AKT3: variants seen among roughly 807,000 people sequenced by gnomAD.
AKT3 encodes RAC-gamma serine/threonine-protein kinase.
In AKT3, 15 loss-of-function variants were observed where a neutral mutation model predicts 65.3. The ratio of observed to expected loss-of-function variants is 0.23; its 90% CI spans 0.15 to 0.35. AKT3 has a LOEUF of 0.35. Ranked by LOEUF, AKT3 falls within the 10% of genes least tolerant of loss-of-function variation. The pLI is 1.00. For missense variants in AKT3, 243 were observed against 576.5 expected (o/e 0.42, Z 5.92); for synonymous variants, 206 against 183.8 (o/e 1.12, Z -0.98).
chr1:243,609,423 C>T (rs1310682163), intron 8 of AKT3, among the ~76,000 whole-genome samples: 5 of 151,120 alleles, frequency 3.3e-5, no homozygotes, highest in Non-Finnish European at 1.5e-5. Context: ...ACAGGGAGGC[C>T]GAGGTGGGCA....
chr1:243,572,752 T>C (rs564382398), intron 9 of AKT3, among the ~76,000 whole-genome samples, 174 bp downstream of exon 9: 2 of 152,308 alleles, frequency 1.3e-5, no homozygotes, highest in African/African-American at 2.4e-5. Flanking sequence ...ATCAACTACA[T>C]ACATGTTAGT....
At position 243,545,734 on chromosome 1, in the gene AKT3, C is replaced by G. The variant is rs949355211; in HGVS notation, c.1164-137G>C. 1.5e-5 allele frequency: 9 copies of G among 607,102 alleles called. No individual in the cohort carries two copies. In the African/African-American group the frequency reaches 1.7e-4, roughly 11 times the overall value. 37.6% of individuals were successfully genotyped at this position (607,102 alleles called of 1,614,324 possible). On this transcript the variant is annotated intron_variant, in intron 11 of 13. Coordinates refer to ENST00000673466, the MANE Select transcript of AKT3 (RefSeq NM_005465.7). ...GATAAATAGCTCTAAAAGTAAAAAG[C>G]TTTTGCTATAAGATCTATTTTTCCT...
At chr1:243,634,634 T>G (rs773571788) in intron 6 of AKT3, among the ~76,000 whole-genome samples, 3 of 151,870 alleles carry the variant, frequency 2.0e-5, no homozygotes, top group Non-Finnish European at 4.4e-5. Flanking sequence ...ACTGCCATAG[T>G]AACCAAAAGA....
chr1:243,826,299 T>A (rs953196843), intron 2 of AKT3, among the ~76,000 whole-genome samples: 2 of 152,174 alleles, frequency 1.3e-5, no homozygotes, highest in Non-Finnish European at 2.9e-5. Flanking sequence ...GGTATCTGAT[T>A]GAGAACTGAA....
At chr1:243,825,235 C>G (rs1400554330) in intron 2 of AKT3, among the ~76,000 whole-genome samples, 1 of 152,144 alleles carries the variant, frequency 6.6e-6, no homozygotes, top group Non-Finnish European at 1.5e-5. Context: ...TGGAACAACA[C>G]ACACTGTGGC....
intron 10 of AKT3, among the ~76,000 whole-genome samples, chr1:243,553,595 C>A (rs1485552973): frequency 1.3e-5 from 2 of 152,118 alleles, no homozygotes; most frequent in Non-Finnish European, 2.9e-5. Context: ...CAGCTTTATA[C>A]CTCACAACAA....
chr1:243,747,915 T>G (rs1688577466), intron 2 of AKT3, among the ~76,000 whole-genome samples: 1 of 152,170 alleles, frequency 6.6e-6, no homozygotes, highest in Admixed American at 6.5e-5. Flanking sequence ...AAGCAAGCAC[T>G]GAAATATACC....
At chr1:243,820,637 G>A (rs1016366423) in intron 2 of AKT3, among the ~76,000 whole-genome samples, 1 of 152,152 alleles carries the variant, frequency 6.6e-6, no homozygotes, top group Non-Finnish European at 1.5e-5. Context: ...AACACAACAC[G>A]AGAACTTCAC....
intron 2 of AKT3, among the ~76,000 whole-genome samples, chr1:243,810,644 GAA>G (rs1468724199): frequency 6.6e-6 from 1 of 152,096 alleles, no homozygotes; most frequent in African/African-American, 2.4e-5. Context: ...CCAATCAATA[GAA>G]AAAGAGGGAA....
At chr1:243,745,888 A>G (rs1403474875) in intron 2 of AKT3, among the ~76,000 whole-genome samples, 1 of 152,210 alleles carries the variant, frequency 6.6e-6, no homozygotes, top group Non-Finnish European at 1.5e-5. Flanking sequence ...TTCAAGACAC[A>G]TAATTATATA....
intron 4 of AKT3, among the ~76,000 whole-genome samples, chr1:243,652,829 C>G (rs1457446519): frequency 8.2e-6 from 1 of 121,342 alleles, no homozygotes; most frequent in East Asian, 2.7e-4. Context: ...ATAAAACAGA[C>G]TTTAAACCAA....
At chr1:243,569,334 G>A (rs1433812985) in intron 9 of AKT3, among the ~76,000 whole-genome samples, 1 of 152,156 alleles carries the variant, frequency 6.6e-6, no homozygotes, top group Non-Finnish European at 1.5e-5. Context: ...AATTTATTAC[G>A]AATAAGGTAC....
At chr1:243,575,076 C>T (rs1241881640) in intron 8 of AKT3, among the ~76,000 whole-genome samples, 1 of 152,134 alleles carries the variant, frequency 6.6e-6, no homozygotes, top group African/African-American at 2.4e-5. Context: ...ACCCTTACTA[C>T]TTTATGGAAC....
At chr1:243,829,246 T>C (rs1053526890) in intron 2 of AKT3, among the ~76,000 whole-genome samples, 5 of 151,860 alleles carry the variant, frequency 3.3e-5, no homozygotes, top group Non-Finnish European at 7.4e-5. Flanking sequence ...AATCACACGA[T>C]ACCCTATATA....
chr1:243,541,879 T>C (rs1672344344), intron 12 of AKT3, among the ~76,000 whole-genome samples: 1 of 152,236 alleles, frequency 6.6e-6, no homozygotes. Context: ...AAAAACCAAC[T>C]GTATTTCTAT....
intron 8 of AKT3, among the ~76,000 whole-genome samples, chr1:243,580,095 A>C (rs913699456): frequency 6.6e-6 from 1 of 152,210 alleles, no homozygotes; most frequent in Non-Finnish European, 1.5e-5. Flanking sequence ...CCACTTGGAC[A>C]TAGCAAGATA....
rs141667596 is a variant in AKT3 at position 243,747,808 on chromosome 1, A to C, written c.47-52092T>G. 3.5e-3 allele frequency among the ~76,000 whole-genome samples: 534 copies of C among 152,358 alleles called. 2 individuals carry two copies. Among genetic ancestry groups the C allele is most frequent in the African/African-American group, 0.012 (516 of 41,590 alleles). ...GGATAAATGTAAGACAGTTCACTTA[A>C]GACATAGTATAGGTTTCTTGCAAAC... On this transcript the variant is annotated intron_variant, in intron 2 of 13. Transcript: ENST00000673466.
At position 243,563,816 on chromosome 1, in the gene AKT3, G is replaced by A. The variant is rs375835050; in HGVS notation, c.852C>T (p.His284=). 7 of 1,612,652 alleles carry A rather than the reference G, an allele frequency of 4.3e-6. No individual in the cohort carries two copies. The highest frequency in any genetic ancestry group is 5.1e-6 in the Non-Finnish European group (6 of 1,179,450). ...AAAGTCCAAAATCTGTAATTTTTAT[G>A]TGGCCATCTTTGTCCAGCATTAGAT... ...LENLMLDKDG[H]IKITDFGLCK... is the part of the protein sequence containing the mutation. Residue 284 remains histidine (H), a synonymous_variant, in exon 10 of 14, where the codon CAC becomes CAT. Coordinates refer to ENST00000673466, the MANE Select transcript of AKT3 (RefSeq NM_005465.7).
chr1:243,840,888 T>C lies in AKT3; in HGVS notation c.46+2237A>G, dbSNP rs140086018. On this transcript the variant is annotated intron_variant, in intron 2 of 13. Transcript: ENST00000673466. ...TTCTATTTTTCACAATGGGGAGATATTAGGTTACTGAAGGTTAAAGTTTAG... is the reference window on the plus strand; with the variant it reads ...TTCTATTTTTCACAATGGGGAGATACTAGGTTACTGAAGGTTAAAGTTTAG... Among the ~76,000 whole-genome samples the C allele has an allele frequency of 2.5e-3, 373 of 152,130 alleles. 1 individual carries two copies. The highest frequency in any genetic ancestry group is 4.6e-3 in the Non-Finnish European group (312 of 67,968).
Sources: allele counts gnomAD v4.1 joint callset (sites outside exome capture counted in the v4.1 genomes callset), GRCh38; gene constraint gnomAD v4.1.1; transcripts MANE v1.5; gene names NCBI Gene and HGNC (gene_info 2026-07-23, HGNC 2026-07-21).